The following LSAMP variants were observed in gnomAD, a reference collection of about 807,000 sequenced individuals.
The protein encoded by LSAMP is limbic system-associated membrane protein.
In LSAMP, 7 loss-of-function variants were observed where a neutral mutation model predicts 38.6. The ratio of observed to expected loss-of-function variants is 0.18; its 90% CI spans 0.10 to 0.34. The LOEUF (loss-of-function observed/expected upper bound fraction) is 0.34. LSAMP is among the 10% of genes least tolerant of loss of function. The probability of loss-of-function intolerance (pLI) is 1.00; values close to 1 mark genes in which losing one functional copy is unlikely to be tolerated. For synonymous variants in LSAMP, 154 were observed against 166.8 expected (o/e 0.92, Z 0.59); for missense variants, 313 against 420.0 (o/e 0.75, Z 2.23).
chr3:116,326,672 T>C (rs1223096702), intron 1 of LSAMP, among the ~76,000 whole-genome samples: 8 of 152,174 alleles, frequency 5.3e-5, no homozygotes, highest in Non-Finnish European at 8.8e-5. Flanking sequence ...TCTCAATTTC[T>C]TCATCTGTAA....
chr3:116,043,751 C>T (rs1283795929), intron 2 of LSAMP, among the ~76,000 whole-genome samples: 2 of 152,198 alleles, frequency 1.3e-5, no homozygotes, highest in Non-Finnish European at 2.9e-5. Flanking sequence ...GGAGACCATC[C>T]TGGCTAACAC....
At chr3:116,296,619 C>A (rs1162912473) in intron 1 of LSAMP, among the ~76,000 whole-genome samples, 1 of 148,264 alleles carries the variant, frequency 6.7e-6, no homozygotes, top group African/African-American at 2.5e-5. Context: ...GGCGTTAACC[C>A]GGGAGGCAGA....
intron 1 of LSAMP, among the ~76,000 whole-genome samples, chr3:116,108,988 T>C (rs1192292048): frequency 1.3e-5 from 2 of 152,212 alleles, no homozygotes; most frequent in Non-Finnish European, 2.9e-5. Flanking sequence ...TTTGGAGTTT[T>C]ATTTAATGTC....
intron 1 of LSAMP, among the ~76,000 whole-genome samples, chr3:116,146,872 T>G (rs914708485): frequency 6.6e-6 from 1 of 151,904 alleles, no homozygotes; most frequent in African/African-American, 2.4e-5. Flanking sequence ...GAAATAAAAA[T>G]GGAATGACCT....
At chr3:116,143,426 T>C in intron 1 of LSAMP, among the ~76,000 whole-genome samples, 1 of 152,002 alleles carries the variant, frequency 6.6e-6, no homozygotes, top group Non-Finnish European at 1.5e-5. Context: ...CTATAGTCAA[T>C]AATAACTAAT....
chr3:116,023,127 T>G (rs1434958410), intron 2 of LSAMP, among the ~76,000 whole-genome samples: 1 of 151,672 alleles, frequency 6.6e-6, no homozygotes, highest in Admixed American at 6.6e-5. Context: ...GCGTGATGTA[T>G]ATATACATAT....
At chr3:116,271,065 TAC>T (rs2046965690) in intron 1 of LSAMP, among the ~76,000 whole-genome samples, 1 of 152,074 alleles carries the variant, frequency 6.6e-6, no homozygotes, top group Non-Finnish European at 1.5e-5. Flanking sequence ...GTTAGGTAAA[TAC>T]ACATTAGATA....
chr3:116,197,221 C>T (rs150878137), intron 1 of LSAMP, among the ~76,000 whole-genome samples: 5 of 151,970 alleles, frequency 3.3e-5, no homozygotes, highest in Non-Finnish European at 7.4e-5. Context: ...CTGTTGTAAC[C>T]TTTCTCTGTC....
At chr3:115,811,342 G>C (rs561064265) in intron 6 of LSAMP, among the ~76,000 whole-genome samples, 3 of 152,260 alleles carry the variant, frequency 2.0e-5, no homozygotes, top group Admixed American at 2.0e-4. Context: ...CAGTGGTCTG[G>C]CAGAAGAGCT....
chr3:115,858,218 TAAATGTGTGTGAGCAG>T lies in LSAMP; in HGVS notation c.515-5617_515-5602del, dbSNP rs924696537. On this transcript the variant is annotated intron_variant, in intron 3 of 6. Transcript: ENST00000490035. ...TTATTTACATATAAGATTTTACTGT[TAAATGTGTGTGAGCAG>T]CACACACATTTCCTCACCCTCAAAT... 9.2e-5 allele frequency among the ~76,000 whole-genome samples: 14 copies of T among 152,118 alleles called. No homozygotes were observed. The East Asian group carries it at 2.1e-3, about 23-fold the overall frequency.
At chr3:116,195,852 G>T (rs1710871186) in intron 1 of LSAMP, among the ~76,000 whole-genome samples, 1 of 152,022 alleles carries the variant, frequency 6.6e-6, no homozygotes, top group South Asian at 2.1e-4. Context: ...CCCTACCCTA[G>T]ATTGACTAAA....
In LSAMP at chr3:116,041,202, G is replaced by T. The variant is rs573062454; in HGVS notation, c.389-21562C>A. ...GCCTCCCAAAGTGCTGGGATTATAG[G>T]CATGAGCCACCATGCCTGATCCTAC... On this transcript the variant is annotated intron_variant, in intron 2 of 6. Coordinates refer to ENST00000490035, the MANE Select transcript of LSAMP (RefSeq NM_002338.5). 3.2e-4 allele frequency among the ~76,000 whole-genome samples: 49 copies of T among 152,190 alleles called. No individual in the cohort carries two copies. The Middle Eastern group carries it at 0.01, about 32-fold the overall frequency.
chr3:116,056,066 C>A (rs561436569), intron 2 of LSAMP, among the ~76,000 whole-genome samples: 1 of 152,184 alleles, frequency 6.6e-6, no homozygotes, highest in South Asian at 2.1e-4. Context: ...TTTCTAATGC[C>A]ATGATAATAA....
intron 1 of LSAMP, among the ~76,000 whole-genome samples, chr3:116,248,570 A>G (rs901742298): frequency 2.0e-5 from 3 of 149,898 alleles, no homozygotes; most frequent in African/African-American, 7.5e-5. Flanking sequence ...CGTTTAGTTT[A>G]TTCCTCCATT....
chr3:116,371,263 G>A (rs1460647944), intron 1 of LSAMP, among the ~76,000 whole-genome samples: 2 of 151,992 alleles, frequency 1.3e-5, no homozygotes, highest in African/African-American at 2.4e-5. Flanking sequence ...ACTACAGACC[G>A]ATATCCCTTA....
chr3:116,108,984 GTTTTA>G (rs1240424627), intron 1 of LSAMP, among the ~76,000 whole-genome samples: 1 of 152,198 alleles, frequency 6.6e-6, no homozygotes, highest in Middle Eastern at 3.2e-3. Context: ...AATTTTTGGA[GTTTTA>G]TTTAATGTCG....
At chr3:115,952,718 TAAAA>T (rs1372312632) in intron 3 of LSAMP, among the ~76,000 whole-genome samples, 1 of 152,004 alleles carries the variant, frequency 6.6e-6, no homozygotes, top group Admixed American at 6.6e-5. Flanking sequence ...ACTATTGAAA[TAAAA>T]AAACTAGAAG....
At chr3:116,158,926 GAAAAC>G (rs1157933309) in intron 1 of LSAMP, among the ~76,000 whole-genome samples, 12 of 151,578 alleles carry the variant, frequency 7.9e-5, no homozygotes, top group East Asian at 5.8e-4. Context: ...AAACAAAACA[GAAAAC>G]AAAACAAAAC....
At chr3:116,392,964 G>T (rs1419626090) in intron 1 of LSAMP, among the ~76,000 whole-genome samples, 1 of 152,136 alleles carries the variant, frequency 6.6e-6, no homozygotes, top group East Asian at 1.9e-4. Context: ...CTGGACACTT[G>T]ATGGGACACC....
Sources: allele counts gnomAD v4.1 joint callset (sites outside exome capture counted in the v4.1 genomes callset), GRCh38; gene constraint gnomAD v4.1.1; transcripts MANE v1.5; gene names NCBI Gene and HGNC (gene_info 2026-07-23, HGNC 2026-07-21).